The following KATNBL1 variants were observed in gnomAD, a reference collection of about 807,000 sequenced individuals.
KATNBL1 encodes the protein katanin regulatory subunit B1 like 1.
KATNBL1 carries 28 observed loss-of-function variants against 44.7 expected under a neutral mutation model. That is an observed-to-expected ratio of 0.63 (90% CI 0.46 to 0.86). The LOEUF is 0.86. Among genes scored for constraint, KATNBL1 ranks in the 40% least tolerant of loss-of-function variants. The pLI is 0.00. For synonymous variants in KATNBL1, 78 were observed against 114.9 expected (o/e 0.68, Z 2.06); for missense variants, 272 against 350.7 (o/e 0.78, Z 1.79).
chr15:34,206,775 G>A (rs1211060223), intron 1 of KATNBL1, among the ~76,000 whole-genome samples: 1 of 149,076 alleles, frequency 6.7e-6, no homozygotes, highest in Non-Finnish European at 1.5e-5. Flanking sequence ...TGGGAGACAA[G>A]AGCAAGACTC....
chr15:34,172,791 ACACACG>A (rs891590322), intron 1 of KATNBL1, among the ~76,000 whole-genome samples: 4 of 145,784 alleles, frequency 2.7e-5, no homozygotes, highest in African/African-American at 1.1e-4. Context: ...ACACACACAC[ACACACG>A]CTTCTCTCTA....
rs57428240 is a variant in KATNBL1, at chr15:34,191,154, C to CATAT, written c.-15+18793_-15+18796dup. Among the ~76,000 whole-genome samples the CATAT allele has an allele frequency of 1.3e-3, 176 of 136,154 alleles. 2 individuals carry two copies. Among genetic ancestry groups the CATAT allele is most frequent in the African/African-American group, 2.7e-3 (104 of 37,904 alleles). 89.3% of individuals were successfully genotyped at this position (136,154 alleles called of 152,430 possible). On this transcript the variant is annotated intron_variant, in intron 1 of 9. Transcript: ENST00000256544. ...CAAAAATTTCATATAAATCATAGAC[C>CATAT]ATATATATATATATATATATATATA...
intron 1 of KATNBL1, among the ~76,000 whole-genome samples, chr15:34,167,965 T>G (rs1025533097): frequency 1.3e-5 from 2 of 152,194 alleles, no homozygotes; most frequent in Non-Finnish European, 2.9e-5. Context: ...GAACAACCAG[T>G]ACCAGCCACT....
chr15:34,163,397 G>GA (rs1021075993), intron 2 of KATNBL1, among the ~76,000 whole-genome samples, 163 bp downstream of exon 2: 16 of 149,500 alleles, frequency 1.1e-4, no homozygotes, highest in South Asian at 2.1e-4. Flanking sequence ...ACCTAACAAA[G>GA]AAAAAAAAAG....
In KATNBL1 at chr15:34,142,270, T is replaced by C. The variant is rs1225512964; in HGVS notation, c.*69A>G. ...GTTCACAGTTCTCAGACGAGACTTT[T>C]TTTTTTTGTAAATTATACAGTTCAG... On this transcript the variant is annotated 3_prime_UTR_variant, in exon 10 of 10. Transcript: ENST00000256544. 16 of 1,455,370 alleles carry C rather than the reference T, an allele frequency of 1.1e-5. No homozygotes were observed. The highest frequency in any genetic ancestry group is 1.5e-5 in the Non-Finnish European group (16 of 1,096,344). 90.2% of individuals were successfully genotyped at this position (1,455,370 alleles called of 1,614,324 possible). A position where few individuals can be genotyped will look rare whatever the true frequency, so the allele number is the denominator to read the frequency against.
chr15:34,194,350 T>C (rs1373934947), intron 1 of KATNBL1, among the ~76,000 whole-genome samples: 1 of 152,146 alleles, frequency 6.6e-6, no homozygotes, highest in African/African-American at 2.4e-5. Flanking sequence ...GGGTCATACC[T>C]GTAATTCTAG....
At position 34,142,388 on chromosome 15, in the gene KATNBL1, A is replaced by C; in HGVS notation, c.883-17T>G. Reference sequence around the variant, plus strand: ...ATCTACATCCTTAGAAGATAAAACAAAAACATTTCATTAGACAGTACAGTA... The same window carrying C: ...ATCTACATCCTTAGAAGATAAAACACAAACATTTCATTAGACAGTACAGTA... On this transcript the variant is annotated splice_polypyrimidine_tract_variant and intron_variant, in intron 9 of 9. Coordinates refer to ENST00000256544, the MANE Select transcript of KATNBL1 (RefSeq NM_024713.3). 1 of 1,577,902 alleles carries C rather than the reference A, an allele frequency of 6.3e-7. No homozygotes were observed. Among genetic ancestry groups the C allele is most frequent in the Middle Eastern group, 1.7e-4 (1 of 5,858 alleles).
Position 34,181,713 on chromosome 15 carries a change from G to GATCCATATATAT in KATNBL1, c.-14-18024_-14-18023insATATATATGGAT, listed in dbSNP as rs1567532175. On this transcript the variant is annotated intron_variant, in intron 1 of 9. Transcript: ENST00000256544. ...GTCCATATATATATCCATATATATG[G>GATCCATATATAT]ACATATATATGTCCATATATACACA... Among the ~76,000 whole-genome samples the GATCCATATATAT allele has an allele frequency of 6.7e-3, 64 of 9,496 alleles. 24 individuals carry two copies. The highest frequency in any genetic ancestry group is 0.014 in the South Asian group (3 of 220). The allele number at this position is 9,496 out of a possible 152,430, so 6.2% of individuals were successfully genotyped here. A position where few individuals can be genotyped will look rare whatever the true frequency, so the allele number is the denominator to read the frequency against.
intron 1 of KATNBL1, among the ~76,000 whole-genome samples, chr15:34,196,407 G>A (rs182555171): frequency 3.9e-5 from 6 of 152,128 alleles, no homozygotes; most frequent in Non-Finnish European, 8.8e-5. Context: ...AACAGAGCGA[G>A]ACTTTGTCTC....
intron 1 of KATNBL1, among the ~76,000 whole-genome samples, chr15:34,195,690 C>CAAA (rs5811824): frequency 1.2e-4 from 13 of 111,438 alleles, no homozygotes; most frequent in African/African-American, 3.3e-4. Flanking sequence ...GACGCCATCT[C>CAAA]AAAAAAAAAA....
intron 5 of KATNBL1, 42 bp from the exon 6 acceptor site, chr15:34,147,472 T>G (rs1397904135): frequency 1.4e-6 from 2 of 1,473,530 alleles, no homozygotes; most frequent in Non-Finnish European, 9.4e-7. Context: ...GAGAGCTGAT[T>G]TCCTTATTTA....
intron 4 of KATNBL1, among the ~76,000 whole-genome samples, chr15:34,150,291 A>T (rs993983768): frequency 6.6e-6 from 1 of 152,204 alleles, no homozygotes; most frequent in East Asian, 1.9e-4. Context: ...GAAACTTTTT[A>T]AAAAGAACTT....
At chr15:34,163,718 A>C in intron 1 of KATNBL1, 28 bp from the exon 2 acceptor site, 15 of 1,279,930 alleles carry the variant, frequency 1.2e-5, no homozygotes, top group Non-Finnish European at 1.6e-5. Flanking sequence ...ATAGAAAATT[A>C]AAACAGCAAA....
Position 34,180,620 on chromosome 15 carries a change from C to T in KATNBL1, c.-14-16930G>A, listed in dbSNP as rs543193281. 5.9e-5 allele frequency among the ~76,000 whole-genome samples: 9 copies of T among 152,320 alleles called. No individual in the cohort carries two copies. In the East Asian group the frequency reaches 1.7e-3, roughly 29 times the overall value. ...TCAGCCACTGCTAGGTCCAAGTCAA[C>T]ACATCTAAATCTCTTCAATGTCAAA... On this transcript the variant is annotated intron_variant, in intron 1 of 9. Transcript: ENST00000256544.
rs1028274781 is a variant in KATNBL1, at chr15:34,201,671, T to G, written c.-15+8280A>C. Among the ~76,000 whole-genome samples the G allele has an allele frequency of 2.6e-5, 4 of 152,220 alleles. No individual in the cohort carries two copies. The East Asian group carries it at 7.7e-4, about 29-fold the overall frequency. Reference sequence around the variant, plus strand: ...CCAAATTCCAATTTACTTTCCCTGTTAGAATAACCCAGTATTTTCTGGAAA... The same window carrying G: ...CCAAATTCCAATTTACTTTCCCTGTGAGAATAACCCAGTATTTTCTGGAAA... On this transcript the variant is annotated intron_variant, in intron 1 of 9. Transcript: ENST00000256544.
intron 1 of KATNBL1, among the ~76,000 whole-genome samples, chr15:34,184,070 G>T (rs558554973): frequency 6.6e-6 from 1 of 152,144 alleles, no homozygotes; most frequent in Non-Finnish European, 1.5e-5. Context: ...TTGGGAGGCC[G>T]AGGCGGGTGG....
intron 4 of KATNBL1, 60 bp downstream of exon 4, chr15:34,152,730 A>C (rs1888518710): frequency 7.1e-7 from 1 of 1,402,120 alleles, no homozygotes; most frequent in African/African-American, 1.4e-5. Flanking sequence ...GGCAAAGAAA[A>C]AAATCAAGAT....
chr15:34,151,579 G>A (rs1376224966), intron 4 of KATNBL1, among the ~76,000 whole-genome samples: 2 of 150,438 alleles, frequency 1.3e-5, no homozygotes, highest in East Asian at 2.0e-4. Context: ...AGCCTCCCAA[G>A]TAGCTGGCAT....
chr15:34,158,070 A>G (rs570482771), intron 2 of KATNBL1, among the ~76,000 whole-genome samples: 20 of 152,206 alleles, frequency 1.3e-4, no homozygotes, highest in Non-Finnish European at 2.4e-4. Flanking sequence ...ACTTTGGAAC[A>G]GTCTTAATTC....
Sources: gnomAD v4.1 joint callset for allele counts (sites outside exome capture counted in the v4.1 genomes callset) on GRCh38, gnomAD v4.1.1 for gene constraint, MANE v1.5 for transcripts, NCBI Gene and HGNC (gene_info 2026-07-23, HGNC 2026-07-21) for gene names.